The following CFAP61 variants were observed in gnomAD, a reference collection of about 807,000 sequenced individuals.
CFAP61 encodes the protein cilia and flagella associated protein 61.
A neutral mutation model predicts 135.6 loss-of-function variants in CFAP61; 107 were observed. That is an observed-to-expected ratio of 0.79 (90% CI 0.67 to 0.93). The LOEUF (loss-of-function observed/expected upper bound fraction) is 0.93. Ranked by LOEUF, CFAP61 falls within the 40% of genes least tolerant of loss-of-function variation. The pLI is 0.00. For synonymous variants in CFAP61, 575 were observed against 578.5 expected, an observed-to-expected ratio of 0.99 and a Z score of 0.09; for missense variants, 1,507 against 1,556.2, an observed-to-expected ratio of 0.97 and a Z score of 0.53.
At chr20:20,338,020 A>C (rs1007624893) in intron 25 of CFAP61, among the ~76,000 whole-genome samples, 2 of 152,206 alleles carry the variant, frequency 1.3e-5, no homozygotes, top group African/African-American at 2.4e-5. Flanking sequence ...GCCAAAGTAG[A>C]TGCGTCCATA....
intron 24 of CFAP61, among the ~76,000 whole-genome samples, chr20:20,296,096 T>TC (rs1398364873): frequency 1.5e-4 from 2 of 13,772 alleles, no homozygotes; most frequent in East Asian, 1.8e-3. Context: ...CTTCTTTCCT[T>TC]CCTTCCTTCC....
At chr20:20,341,311 T>C (rs1026779192) in intron 25 of CFAP61, among the ~76,000 whole-genome samples, 1 of 152,204 alleles carries the variant, frequency 6.6e-6, no homozygotes, top group Non-Finnish European at 1.5e-5. Context: ...TTAGCAAATA[T>C]GAACACCAAA....
intron 17 of CFAP61, among the ~76,000 whole-genome samples, chr20:20,207,721 ATATGT>A (rs2056920453): frequency 6.6e-6 from 1 of 152,244 alleles, no homozygotes; most frequent in Non-Finnish European, 1.5e-5. Flanking sequence ...TTAAAAATAA[ATATGT>A]TATTACAAAA....
intron 8 of CFAP61, among the ~76,000 whole-genome samples, chr20:20,118,253 G>GTTTGTTTGTTTCTTTCTTTC (rs1555872842): frequency 1.4e-5 from 2 of 138,532 alleles, no homozygotes; most frequent in African/African-American, 5.5e-5. Context: ...TTTGAGGTAT[G>GTTTGTTTGTTTCTTTCTTTC]TTTCTTTCTT....
At chr20:20,145,452 CAA>C (rs1175528375) in intron 9 of CFAP61, among the ~76,000 whole-genome samples, 4 of 151,716 alleles carry the variant, frequency 2.6e-5, no homozygotes, top group Admixed American at 2.6e-4. Flanking sequence ...CAAAAGAAGA[CAA>C]AAAGAGAGGA....
intron 21 of CFAP61, among the ~76,000 whole-genome samples, chr20:20,264,440 A>G (rs1353134915): frequency 6.6e-6 from 1 of 152,190 alleles, no homozygotes; most frequent in Non-Finnish European, 1.5e-5. Flanking sequence ...AGATTTTTTA[A>G]ATGTCATAAA....
At chr20:20,244,511 C>T (rs2050281286) in intron 18 of CFAP61, among the ~76,000 whole-genome samples, 1 of 152,196 alleles carries the variant, frequency 6.6e-6, no homozygotes, top group African/African-American at 2.4e-5. Flanking sequence ...TCAGCCATGG[C>T]TGGAGTGTCT....
At position 20,277,111 on chromosome 20, in the gene CFAP61, T is replaced by C. The variant is rs1185608201; in HGVS notation, c.2504-55T>C. On this transcript the variant is annotated intron_variant, in intron 21 of 26. Coordinates refer to ENST00000245957, the MANE Select transcript of CFAP61 (RefSeq NM_015585.4). Reference sequence around the variant, plus strand: ...CAATTCGGCATTATTAGCATTTGACTAAGGTTTTTTGGTTTTCTGAACTGT... The same window carrying C: ...CAATTCGGCATTATTAGCATTTGACCAAGGTTTTTTGGTTTTCTGAACTGT... 13 of 1,386,750 alleles carry C rather than the reference T, an allele frequency of 9.4e-6. No homozygotes were observed. The Admixed American group carries it at 1.6e-4, about 17-fold the overall frequency. The allele number at this position is 1,386,750 out of a possible 1,614,324, so 85.9% of individuals were successfully genotyped here.
chr20:20,120,995 A>AT (rs2049571761), intron 8 of CFAP61, among the ~76,000 whole-genome samples: 1 of 148,844 alleles, frequency 6.7e-6, no homozygotes, highest in Non-Finnish European at 1.5e-5. Flanking sequence ...TTCCACTTCC[A>AT]TTTTCAGTTT....
chr20:20,061,480 A>G (rs1298113925), intron 2 of CFAP61, among the ~76,000 whole-genome samples: 1 of 152,174 alleles, frequency 6.6e-6, no homozygotes, highest in Admixed American at 6.5e-5. Context: ...GAAAAAAGAT[A>G]TGCCACCCAA....
rs986800108 is a variant in CFAP61 at position 20,359,152 on chromosome 20, G to A, written c.3514-1058G>A. Among the ~76,000 whole-genome samples the A allele has an allele frequency of 2.0e-5, 3 of 152,124 alleles. No homozygotes were observed. The highest frequency in any genetic ancestry group is 7.2e-5 in the African/African-American group (3 of 41,410). ...ATGTTAGGAAAATCTCTACTACACT[G>A]TACCTATGTGCAGCATAAGATTCTC... On this transcript the variant is annotated intron_variant, in intron 26 of 26. Transcript: ENST00000245957. This position sits in a 1 kb window ranked among gnomAD's most constrained non-coding sequence, Gnocchi z 4.0.
rs202019286 is a variant in CFAP61 at position 20,228,310 on chromosome 20, A to G, written c.1994A>G (p.Asn665Ser). Residue 665 changes from asparagine to serine, a missense_variant, in exon 18 of 27, where the codon AAT (asparagine) becomes AGT (serine). Asn to Ser is a conservative substitution (Grantham distance 46). Transcript: ENST00000245957. ...ACATTGGAACCTAAAATTACTGTCA[A>G]TGCCAAGATCATTGTGGTTGGTGCA... is the stretch of plus-strand genomic sequence containing the variant. ...KLTLEPKITV[N>S]AKIIVVGASS... The G allele has an allele frequency of 6.2e-7, 1 of 1,611,638 alleles. No individual in the cohort carries two copies. Among genetic ancestry groups the G allele is most frequent in the South Asian group, 1.1e-5 (1 of 90,888 alleles).
chr20:20,177,010 A>T (rs4814952), intron 13 of CFAP61, among the ~76,000 whole-genome samples: 1 of 151,796 alleles, frequency 6.6e-6, no homozygotes, highest in African/African-American at 2.4e-5. Context: ...AGACAATTTT[A>T]GAAGTTTAAA....
chr20:20,253,248 C>T (rs1283985762), intron 20 of CFAP61: 1 of 148,870 alleles, frequency 6.7e-6, no homozygotes, highest in Non-Finnish European at 1.5e-5. Flanking sequence ...TTCCTTCCTT[C>T]TTTCTTTCCT....
At position 20,251,664 on chromosome 20, in the gene CFAP61, A is replaced by C; in HGVS notation, c.2229A>C (p.Arg743Ser). The change falls in exon 20 of 27, where the codon AGA becomes AGC. Residue 743 changes from arginine to serine, a missense_variant. Arg to Ser is a moderately radical substitution (Grantham distance 110). Coordinates refer to ENST00000245957, the MANE Select transcript of CFAP61 (RefSeq NM_015585.4). Reference sequence around the variant, plus strand: ...CCTGGGTTAATGTCGTGGTGGGTAGAATGACCGGCATAGACCGAGCAGCCA... The same window carrying C: ...CCTGGGTTAATGTCGTGGTGGGTAGCATGACCGGCATAGACCGAGCAGCCA... Reference protein sequence around the residue: ...LCSWVNVVVGRMTGIDRAAKH... With the variant: ...LCSWVNVVVGSMTGIDRAAKH... 1 of 1,614,230 alleles carries C rather than the reference A, an allele frequency of 6.2e-7. No homozygotes were observed. The highest frequency in any genetic ancestry group is 8.5e-7 in the Non-Finnish European group (1 of 1,180,042).
At chr20:20,292,467 A>G (rs1034692013) in intron 24 of CFAP61, among the ~76,000 whole-genome samples, 3 of 152,226 alleles carry the variant, frequency 2.0e-5, no homozygotes, top group Non-Finnish European at 4.4e-5. Flanking sequence ...ACCTAGTGGC[A>G]TAAAACAGCC....
chr20:20,122,737 T>G (rs1464512833), intron 8 of CFAP61, among the ~76,000 whole-genome samples: 1 of 152,220 alleles, frequency 6.6e-6, no homozygotes, highest in Non-Finnish European at 1.5e-5. Context: ...TATGTCCAAG[T>G]GTCTTTTTTG....
intron 6 of CFAP61, among the ~76,000 whole-genome samples, chr20:20,081,911 G>A (rs148364101): frequency 1.6e-4 from 24 of 152,340 alleles, no homozygotes; most frequent in African/African-American, 5.0e-4. Context: ...TAGTGAATTC[G>A]TGTGGAAATG....
chr20:20,210,533 G>A (rs2047556243), intron 17 of CFAP61, among the ~76,000 whole-genome samples: 1 of 152,198 alleles, frequency 6.6e-6, no homozygotes, highest in Admixed American at 6.5e-5. Context: ...AGCATCAGGA[G>A]GGGTCATGAG....
Sources: allele counts gnomAD v4.1 joint callset (sites outside exome capture counted in the v4.1 genomes callset), GRCh38; gene constraint gnomAD v4.1.1; non-coding constraint Gnocchi (gnomAD v3.1); transcripts MANE v1.5; gene names NCBI Gene and HGNC (gene_info 2026-07-23, HGNC 2026-07-21).